The following SNAP47 variants were observed in gnomAD, a reference collection of about 807,000 sequenced individuals.
SNAP47 encodes synaptosome associated protein 47.
In SNAP47, 20 loss-of-function variants were observed where a neutral mutation model predicts 31.4. That is an observed-to-expected ratio of 0.64 (90% confidence interval 0.45 to 0.93). The LOEUF (loss-of-function observed/expected upper bound fraction) is 0.93, where lower values mean the gene tolerates loss of function less well. Ranked by LOEUF, SNAP47 falls within the 40% of genes least tolerant of loss-of-function variation. SNAP47 has a pLI of 0.00. For missense variants in SNAP47, 492 were observed against 528.5 expected, an observed-to-expected ratio of 0.93 and a Z score of 0.68; for synonymous variants, 194 against 213.4, an observed-to-expected ratio of 0.91 and a Z score of 0.79.
chr1:227,775,757 G>A, intron 4 of SNAP47: 1 of 1,300,186 alleles, frequency 7.7e-7, no homozygotes, highest in South Asian at 1.2e-5. Context: ...GAAATGGTGA[G>A]AATGCTAAAT....
intron 2 of SNAP47, 90 bp downstream of exon 2, chr1:227,748,323 C>T: frequency 7.5e-7 from 1 of 1,332,728 alleles, no homozygotes; most frequent in Non-Finnish European, 1.0e-6. Flanking sequence ...GCCACTGCAC[C>T]ATATTTGCAC....
intron 4 of SNAP47, chr1:227,770,775 G>T (rs1351428867): frequency 6.5e-6 from 1 of 152,994 alleles, no homozygotes; most frequent in East Asian, 1.9e-4. Flanking sequence ...TGAAATAAGG[G>T]TCTTAATCAG....
At chr1:227,730,861 C>T (rs6664307), upstream of SNAP47, 41,813 of 152,232 alleles carry the variant, frequency 0.27, 6,219 homozygotes, top group African/African-American at 0.39. Flanking sequence ...ACCTCAGCTG[C>T]CTGCTGGCAG....
At chr1:227,750,883 C>T (rs1276067421) in intron 2 of SNAP47, among the ~76,000 whole-genome samples, 2 of 152,176 alleles carry the variant, frequency 1.3e-5, no homozygotes, top group African/African-American at 4.8e-5. Context: ...TCAGTGCCAG[C>T]GTTGGGTGCA....
chr1:227,745,298 G>GC (rs971934887), intron 1 of SNAP47, among the ~76,000 whole-genome samples: 27 of 152,110 alleles, frequency 1.8e-4, no homozygotes, highest in African/African-American at 6.5e-4. Context: ...CCCCACAGAG[G>GC]CCCCTGCAGG....
intron 1 of SNAP47, among the ~76,000 whole-genome samples, chr1:227,737,067 G>A (rs980764219): frequency 1.3e-5 from 2 of 152,360 alleles, no homozygotes; most frequent in East Asian, 1.9e-4. Flanking sequence ...GAAGCCTGGT[G>A]GGGAAAACCT....
At chr1:227,775,813 A>G (rs1262318570) in intron 4 of SNAP47, 1 of 1,304,166 alleles carries the variant, frequency 7.7e-7, no homozygotes, top group African/African-American at 1.5e-5. Flanking sequence ...GTCGCTGTCA[A>G]CCCAGACAGT....
At chr1:227,773,168 C>T (rs1050104107) in intron 4 of SNAP47, among the ~76,000 whole-genome samples, 2 of 144,864 alleles carry the variant, frequency 1.4e-5, no homozygotes, top group African/African-American at 2.6e-5. Flanking sequence ...ATGGAGTCTC[C>T]CTATGTTGCC....
At chr1:227,735,402 C>G, upstream of SNAP47, 1 of 1,568,782 alleles carries the variant, frequency 6.4e-7, no homozygotes, top group Non-Finnish European at 8.6e-7. Context: ...GGCTCCGGGC[C>G]TGCACGCATG....
At chr1:227,765,750 C>T (rs1663352926) in intron 3 of SNAP47, among the ~76,000 whole-genome samples, 1 of 152,210 alleles carries the variant, frequency 6.6e-6, no homozygotes, top group Admixed American at 6.5e-5. Context: ...TGCACTCGCA[C>T]CCATCTGCTG....
chr1:227,748,097 G>T lies in SNAP47; in HGVS notation c.361G>T (p.Glu121Ter), dbSNP rs1264544698. The T allele has an allele frequency of 6.2e-7, 1 of 1,614,110 alleles. No homozygotes were observed. The highest frequency in any genetic ancestry group is 2.2e-5 in the East Asian group (1 of 44,852). ...ATCTGTCCCAAGGACCCGGGGCGAG[G>T]AGCTGACGGGACTCATGGCTGGATC... ...DASVPRTRGE[E>*]LTGLMAGSQK... The change falls in exon 2 of 5, where the codon GAG (glutamate) becomes TAG (stop). Residue 121 changes from glutamate to a stop codon, truncating the protein, a stop_gained. Coordinates refer to ENST00000617596, the MANE Select transcript of SNAP47 (RefSeq NM_053052.4). LOFTEE classifies it high-confidence loss of function.
At chr1:227,740,104 A>G (rs1661495490) in intron 1 of SNAP47, among the ~76,000 whole-genome samples, 1 of 152,214 alleles carries the variant, frequency 6.6e-6, no homozygotes, top group African/African-American at 2.4e-5. Flanking sequence ...TCATGAAAGC[A>G]CCAACTCTCT....
At chr1:227,735,286 G>T (rs772184965), upstream of SNAP47, 1 of 1,605,836 alleles carries the variant, frequency 6.2e-7, no homozygotes, top group Non-Finnish European at 8.5e-7. Context: ...AGCTCAGCAC[G>T]GGTCGAAGGA....
At chr1:227,745,247 A>T (rs574413515) in intron 1 of SNAP47, among the ~76,000 whole-genome samples, 3 of 152,202 alleles carry the variant, frequency 2.0e-5, no homozygotes, top group African/African-American at 4.8e-5. Flanking sequence ...AGAGCATGCA[A>T]AATCACAAGT....
chr1:227,744,776 C>G (rs1187718004), intron 1 of SNAP47, among the ~76,000 whole-genome samples: 1 of 152,222 alleles, frequency 6.6e-6, no homozygotes, highest in Non-Finnish European at 1.5e-5. Flanking sequence ...CAAGCTAGTG[C>G]TTGTGGGTGC....
In SNAP47 at chr1:227,762,387, A is replaced by C. The variant is rs181962848; in HGVS notation, c.988+2902A>C. On this transcript the variant is annotated intron_variant, in intron 3 of 4. Coordinates refer to ENST00000617596, the MANE Select transcript of SNAP47 (RefSeq NM_053052.4). This position sits in a 1 kb window ranked among gnomAD's most constrained non-coding sequence, Gnocchi z 4.2. ...AGAAGGCGGCGCCCCGTTTGATGGG[A>C]GCTCAGTAGTCTGTGGGGCACTTGT... Among the ~76,000 whole-genome samples the C allele has an allele frequency of 8.5e-4, 129 of 152,232 alleles. 2 individuals are homozygous for C. In the East Asian group the frequency reaches 0.024, roughly 29 times the overall value.
intron 2 of SNAP47, among the ~76,000 whole-genome samples, chr1:227,748,674 G>T (rs1468692651): frequency 1.3e-5 from 2 of 152,148 alleles, no homozygotes; most frequent in African/African-American, 4.8e-5. Context: ...CTGTTAGTGA[G>T]GTGTCTCCTG....
intron 3 of SNAP47, 76 bp downstream of exon 3, chr1:227,759,561 A>T: frequency 6.5e-7 from 1 of 1,548,522 alleles, no homozygotes; most frequent in Non-Finnish European, 8.7e-7. Flanking sequence ...CCTGTGGGAA[A>T]TGCCTAACAG....
upstream of SNAP47, chr1:227,734,827 A>T (rs767821199): frequency 1.2e-6 from 2 of 1,613,450 alleles, no homozygotes; most frequent in South Asian, 1.1e-5. Flanking sequence ...CTGAAATGAA[A>T]GGCACGGTCC....
Sources: gnomAD v4.1 joint callset for allele counts (sites outside exome capture counted in the v4.1 genomes callset) on GRCh38, gnomAD v4.1.1 for gene constraint, Gnocchi (gnomAD v3.1) non-coding constraint, MANE v1.5 for transcripts, NCBI Gene and HGNC (gene_info 2026-07-23, HGNC 2026-07-21) for gene names.